The following GALNT18 variants were observed in gnomAD, a reference collection of about 807,000 sequenced individuals.
GALNT18 encodes the protein GalNAc-transferase 18.
In GALNT18, 44 loss-of-function variants were observed where a neutral mutation model predicts 69.5. The ratio of observed to expected loss-of-function variants is 0.63; its 90% CI spans 0.50 to 0.81. The LOEUF is 0.81. Among genes scored for constraint, GALNT18 ranks in the 40% least tolerant of loss-of-function variants. The pLI is 0.00. For synonymous variants in GALNT18, 364 were observed against 318.2 expected, an observed-to-expected ratio of 1.14 and a Z score of -1.53; for missense variants, 715 against 810.0, an observed-to-expected ratio of 0.88 and a Z score of 1.42.
chr11:11,283,542 G>C (rs1849130420), intron 10 of GALNT18, among the ~76,000 whole-genome samples: 1 of 152,192 alleles, frequency 6.6e-6, no homozygotes, highest in Non-Finnish European at 1.5e-5. Context: ...GAGGAAGGAA[G>C]GAAGAAGGGA....
intron 1 of GALNT18, among the ~76,000 whole-genome samples, chr11:11,481,045 C>A (rs530839307): frequency 6.6e-6 from 1 of 152,250 alleles, no homozygotes. Context: ...ACCGACTTTC[C>A]AATCTAATGG....
chr11:11,369,702 A>C (rs1023603319), intron 6 of GALNT18, among the ~76,000 whole-genome samples: 2 of 152,016 alleles, frequency 1.3e-5, no homozygotes, highest in Non-Finnish European at 2.9e-5. Context: ...CATTTATATA[A>C]TCTTTCTGTT....
At chr11:11,419,562 A>C (rs1205386174) in intron 3 of GALNT18, among the ~76,000 whole-genome samples, 16 of 137,376 alleles carry the variant, frequency 1.2e-4, no homozygotes, top group African/African-American at 4.2e-4. Context: ...ATGCCACTGC[A>C]CTCTAGCCTG....
At position 11,347,679 on chromosome 11, in the gene GALNT18, C is replaced by T. The variant is rs905914239; in HGVS notation, c.1093-6675G>A. Among the ~76,000 whole-genome samples the T allele has an allele frequency of 2.0e-5, 3 of 152,182 alleles. No homozygotes were observed. The highest frequency in any genetic ancestry group is 7.2e-5 in the African/African-American group (3 of 41,428). On this transcript the variant is annotated intron_variant, in intron 6 of 10. Transcript: ENST00000227756. The surrounding 1 kb of genome is among the most constrained non-coding windows in gnomAD (Gnocchi z 4.0). ...ACTGTTCTCTTAGCCCAGAAAGCCT[C>T]CTTCCTGCTCTCCACATCCATCCAA...
Position 11,540,459 on chromosome 11 carries a change from A to G in GALNT18, c.235+80900T>C, listed in dbSNP as rs4910382. Among the ~76,000 whole-genome samples, 48,080 of 151,954 alleles carry G rather than the reference A, an allele frequency of 0.32. 8,267 individuals carry two copies. Among genetic ancestry groups the G allele is most frequent in the East Asian group, 0.47 (2,406 of 5,138 alleles). Reference sequence around the variant, plus strand: ...CAGAGCTGCAGGTGATACCTTGCCAATAGGAGACACGGCTGTTCCTCATTT... The same window carrying G: ...CAGAGCTGCAGGTGATACCTTGCCAGTAGGAGACACGGCTGTTCCTCATTT... On this transcript the variant is annotated intron_variant, in intron 1 of 10. Coordinates refer to ENST00000227756, the MANE Select transcript of GALNT18 (RefSeq NM_198516.3). This position sits in a 1 kb window ranked among gnomAD's most constrained non-coding sequence, Gnocchi z 4.6.
In GALNT18 at chr11:11,620,564, A is replaced by G. The variant is rs746637763; in HGVS notation, c.235+795T>C. On this transcript the variant is annotated intron_variant, in intron 1 of 10. Transcript: ENST00000227756. The surrounding 1 kb of genome is among the most constrained non-coding windows in gnomAD (Gnocchi z 6.9). ...GCTCCCAGGGCCTGAGAGTGGAGCT[A>G]CAGTAGGGATCGGCCTTCACCCGGT... 3.9e-5 allele frequency among the ~76,000 whole-genome samples: 6 copies of G among 152,088 alleles called. No homozygotes were observed. Among genetic ancestry groups the G allele is most frequent in the Non-Finnish European group, 5.9e-5 (4 of 68,002 alleles).
At chr11:11,336,218 G>A (rs1204437571) in intron 7 of GALNT18, among the ~76,000 whole-genome samples, 4 of 152,152 alleles carry the variant, frequency 2.6e-5, no homozygotes, top group African/African-American at 7.2e-5. Context: ...TCTGTTTATT[G>A]ATAAACAAAC....
intron 10 of GALNT18, among the ~76,000 whole-genome samples, chr11:11,277,155 T>TG (rs1848967249): frequency 6.6e-6 from 1 of 152,148 alleles, no homozygotes. Flanking sequence ...CTTTTTTTGG[T>TG]GGGTAGGCTA....
rs1210476923 is a variant in GALNT18, at chr11:11,463,398, T to C, written c.236-14462A>G. Among the ~76,000 whole-genome samples, 1 of 152,178 alleles carries C rather than the reference T, an allele frequency of 6.6e-6. No homozygotes were observed. Among genetic ancestry groups the C allele is most frequent in the African/African-American group, 2.4e-5 (1 of 41,438 alleles). Reference sequence around the variant, plus strand: ...ACAAAAACAAACTTGTGAGAAGAAATATTATTCAGTTAACTAGCCCACATC... The same window carrying C: ...ACAAAAACAAACTTGTGAGAAGAAACATTATTCAGTTAACTAGCCCACATC... On this transcript the variant is annotated intron_variant, in intron 1 of 10. Coordinates refer to ENST00000227756, the MANE Select transcript of GALNT18 (RefSeq NM_198516.3). This position sits in a 1 kb window ranked among gnomAD's most constrained non-coding sequence, Gnocchi z 4.2.
rs1857457918 is a variant in GALNT18, at chr11:11,523,845, G to A, written c.236-74909C>T. Among the ~76,000 whole-genome samples, 1 of 152,170 alleles carries A rather than the reference G, an allele frequency of 6.6e-6. No individual in the cohort carries two copies. Among genetic ancestry groups the A allele is most frequent in the Non-Finnish European group, 1.5e-5 (1 of 68,040 alleles). ...TGAATTAATTAAAGGACACTGGGAA[G>A]CTCATGGAATTGCCAAGAGAGGTAG... On this transcript the variant is annotated intron_variant, in intron 1 of 10. Transcript: ENST00000227756. This position sits in a 1 kb window ranked among gnomAD's most constrained non-coding sequence, Gnocchi z 4.3.
intron 1 of GALNT18, among the ~76,000 whole-genome samples, chr11:11,462,061 G>C (rs1161816383): frequency 6.6e-6 from 1 of 152,210 alleles, no homozygotes; most frequent in Non-Finnish European, 1.5e-5. Context: ...TTCACCCAGA[G>C]GGCAGTCAGA....
At chr11:11,412,362 G>T (rs1001151158) in intron 3 of GALNT18, among the ~76,000 whole-genome samples, 10 of 152,170 alleles carry the variant, frequency 6.6e-5, no homozygotes, top group African/African-American at 2.2e-4. Flanking sequence ...GACCTGGTTT[G>T]GACTATGCTT....
At chr11:11,474,498 G>A (rs1041778475) in intron 1 of GALNT18, among the ~76,000 whole-genome samples, 4 of 152,194 alleles carry the variant, frequency 2.6e-5, no homozygotes, top group Non-Finnish European at 4.4e-5. Flanking sequence ...AACAGAATCC[G>A]ATTAACATAA....
intron 1 of GALNT18, among the ~76,000 whole-genome samples, chr11:11,554,572 G>C (rs1858282894): frequency 6.6e-6 from 1 of 152,134 alleles, no homozygotes; most frequent in Non-Finnish European, 1.5e-5. Flanking sequence ...TTACTATAAA[G>C]TGTCTCCAAG....
At chr11:11,400,533 A>C (rs543120612) in intron 3 of GALNT18, among the ~76,000 whole-genome samples, 20 of 152,202 alleles carry the variant, frequency 1.3e-4, no homozygotes, top group Admixed American at 1.3e-3. Flanking sequence ...GGACTGAGTG[A>C]CTTAAGAACA....
At chr11:11,479,637 TA>T (rs2133866871) in intron 1 of GALNT18, among the ~76,000 whole-genome samples, 1 of 152,294 alleles carries the variant, frequency 6.6e-6, no homozygotes, top group East Asian at 1.9e-4. Flanking sequence ...AAAAATAATC[TA>T]AAAATAATGA....
chr11:11,569,839 G>C (rs917081765), intron 1 of GALNT18, among the ~76,000 whole-genome samples: 2 of 152,092 alleles, frequency 1.3e-5, no homozygotes, highest in African/African-American at 4.8e-5. Context: ...TGAGGTCTTT[G>C]GGGTAGCCAT....
intron 9 of GALNT18, among the ~76,000 whole-genome samples, chr11:11,299,311 A>AT (rs994940705): frequency 6.6e-5 from 10 of 151,958 alleles, no homozygotes; most frequent in South Asian, 2.1e-4. Context: ...CACCCAGCTA[A>AT]TTTTTTTTAC....
Position 11,546,818 on chromosome 11 carries a change from G to A in GALNT18, c.235+74541C>T, listed in dbSNP as rs1371629337. On this transcript the variant is annotated intron_variant, in intron 1 of 10. Coordinates refer to ENST00000227756, the MANE Select transcript of GALNT18 (RefSeq NM_198516.3). The surrounding 1 kb of genome is among the most constrained non-coding windows in gnomAD (Gnocchi z 5.8). ...AGAGCAGGCACTCAGATCAATTTTCGGTCAGATGGATGGATGGGTGGGTTG... is the reference window on the plus strand; with the variant it reads ...AGAGCAGGCACTCAGATCAATTTTCAGTCAGATGGATGGATGGGTGGGTTG... Among the ~76,000 whole-genome samples, 8 of 152,074 alleles carry A rather than the reference G, an allele frequency of 5.3e-5. No individual in the cohort carries two copies. The highest frequency in any genetic ancestry group is 1.4e-4 in the African/African-American group (6 of 41,396).
Sources: gnomAD v4.1 joint callset for allele counts (sites outside exome capture counted in the v4.1 genomes callset) on GRCh38, gnomAD v4.1.1 for gene constraint, Gnocchi (gnomAD v3.1) non-coding constraint, MANE v1.5 for transcripts, NCBI Gene and HGNC (gene_info 2026-07-23, HGNC 2026-07-21) for gene names.